The following MGRN1 variants were observed in gnomAD, a reference collection of about 807,000 sequenced individuals.
MGRN1 encodes E3 ubiquitin-protein ligase MGRN1.
Under a neutral mutation model 69.2 loss-of-function variants are expected in MGRN1, and 29 were observed. That is an observed-to-expected ratio of 0.42 (90% confidence interval 0.31 to 0.57). The LOEUF (loss-of-function observed/expected upper bound fraction) is 0.57, where lower values mean the gene tolerates loss of function less well. Among genes scored for constraint, MGRN1 ranks in the 20% least tolerant of loss-of-function variants. MGRN1 has a pLI of 0.15. For synonymous variants in MGRN1, 470 were observed against 344.2 expected, an observed-to-expected ratio of 1.37 and a Z score of -4.04; for missense variants, 998 against 796.2, an observed-to-expected ratio of 1.25 and a Z score of -3.05.
At chr16:4,676,386 T>C (rs2079053737) in intron 10 of MGRN1, among the ~76,000 whole-genome samples, 1 of 152,212 alleles carries the variant, frequency 6.6e-6, no homozygotes, top group African/African-American at 2.4e-5. Context: ...GCTGTGTGGC[T>C]GGAGATACAG....
intron 1 of MGRN1, among the ~76,000 whole-genome samples, chr16:4,626,814 G>A (rs1347337869): frequency 1.3e-5 from 2 of 152,166 alleles, no homozygotes; most frequent in Non-Finnish European, 2.9e-5. Context: ...CAGAACACTC[G>A]CGTCAGCCAC....
chr16:4,664,922 G>A, intron 6 of MGRN1, 147 bp downstream of exon 6: 3 of 1,254,626 alleles, frequency 2.4e-6, no homozygotes, highest in Non-Finnish European at 3.4e-6. Context: ...GCAGCTTGGA[G>A]TCCCGGGCAG....
intron 13 of MGRN1, among the ~76,000 whole-genome samples, chr16:4,682,341 T>A (rs2079204844): frequency 6.6e-6 from 1 of 152,206 alleles, no homozygotes; most frequent in African/African-American, 2.4e-5. Context: ...CATTCGTGGT[T>A]CCCCTGGAGC....
chr16:4,642,956 TTTTTG>T (rs568327230), intron 1 of MGRN1, among the ~76,000 whole-genome samples: 206 of 137,364 alleles, frequency 1.5e-3, no homozygotes, highest in Non-Finnish European at 2.2e-3. Context: ...TAGCTAATTT[TTTTTG>T]TTTTGTTTTG....
chr16:4,653,536 T>C (rs1046972242), intron 4 of MGRN1, among the ~76,000 whole-genome samples: 4 of 152,250 alleles, frequency 2.6e-5, no homozygotes, highest in African/African-American at 9.6e-5. Context: ...CTGCCCAGGC[T>C]GGCGTGCAGT....
At chr16:4,637,679 C>A (rs988429757) in intron 1 of MGRN1, among the ~76,000 whole-genome samples, 1 of 152,240 alleles carries the variant, frequency 6.6e-6, no homozygotes, top group African/African-American at 2.4e-5. Context: ...GCCTCAGCGC[C>A]ATCCTGCAGT....
At chr16:4,648,909 T>C (rs111684691) in intron 1 of MGRN1, among the ~76,000 whole-genome samples, 176 of 96,622 alleles carry the variant, frequency 1.8e-3, no homozygotes, top group Middle Eastern at 6.7e-3. Flanking sequence ...GCTCCTCCTC[T>C]CGGGGACTCT....
At chr16:4,629,815 G>A (rs1349473420) in intron 1 of MGRN1, among the ~76,000 whole-genome samples, 4 of 151,724 alleles carry the variant, frequency 2.6e-5, no homozygotes, top group Non-Finnish European at 5.9e-5. Context: ...GGAGGCTGAG[G>A]TGGGCGGATC....
chr16:4,686,623 G>A, intron 16 of MGRN1: 1 of 1,178,456 alleles, frequency 8.5e-7, no homozygotes, highest in Non-Finnish European at 1.1e-6. Context: ...ACACAGCCCA[G>A]GTGCGCCAGA....
At chr16:4,631,286 G>A (rs1439531860) in intron 1 of MGRN1, among the ~76,000 whole-genome samples, 1 of 152,162 alleles carries the variant, frequency 6.6e-6, no homozygotes, top group Non-Finnish European at 1.5e-5. Flanking sequence ...CAGGCATTGT[G>A]GCTGGATAAC....
chr16:4,677,942 G>T (rs993585849), intron 11 of MGRN1, among the ~76,000 whole-genome samples: 1 of 149,252 alleles, frequency 6.7e-6, no homozygotes, highest in Non-Finnish European at 1.5e-5. Flanking sequence ...TCGACCTCCC[G>T]CCTCAAGCAA....
chr16:4,680,372 T>A (rs2079153489), intron 12 of MGRN1: 2 of 435,970 alleles, frequency 4.6e-6, no homozygotes, highest in African/African-American at 4.0e-5. Flanking sequence ...CTTTTTTTTC[T>A]TGCTGGCAGT....
At chr16:4,639,535 A>G (rs1323155213) in intron 1 of MGRN1, among the ~76,000 whole-genome samples, 1 of 152,194 alleles carries the variant, frequency 6.6e-6, no homozygotes, top group Non-Finnish European at 1.5e-5. Context: ...CCTAGGATGG[A>G]ACAGGCAGGA....
At chr16:4,668,693 CAT>C (rs2141937271) in intron 8 of MGRN1, among the ~76,000 whole-genome samples, 1 of 150,752 alleles carries the variant, frequency 6.6e-6, no homozygotes, top group East Asian at 1.9e-4. Flanking sequence ...CACTCGTACA[CAT>C]ACACACATAC....
At chr16:4,652,939 A>G in intron 4 of MGRN1, 115 bp downstream of exon 4, 1 of 1,293,000 alleles carries the variant, frequency 7.7e-7, no homozygotes, top group Non-Finnish European at 1.0e-6. Flanking sequence ...CTTTGACCAT[A>G]CTCCCAGGAC....
chr16:4,642,571 G>A (rs555851381), intron 1 of MGRN1, among the ~76,000 whole-genome samples: 163 of 151,636 alleles, frequency 1.1e-3, no homozygotes, highest in African/African-American at 3.8e-3. Flanking sequence ...TGATCCGCCC[G>A]CCTCGGCCTC....
intron 16 of MGRN1, chr16:4,688,583 T>G: frequency 7.7e-7 from 1 of 1,302,052 alleles, no homozygotes; most frequent in Non-Finnish European, 9.8e-7. Context: ...TCTGGGATCG[T>G]CTGTCCCAAG....
chr16:4,683,001 C>T (rs571280324), intron 14 of MGRN1, 55 bp downstream of exon 14: 2 of 1,495,226 alleles, frequency 1.3e-6, no homozygotes, highest in African/African-American at 1.4e-5. Flanking sequence ...CCTCCTCCAG[C>T]TTCTGTCGCT....
chr16:4,627,210 G>A (rs1290105846), intron 1 of MGRN1, among the ~76,000 whole-genome samples: 3 of 152,162 alleles, frequency 2.0e-5, no homozygotes, highest in Admixed American at 6.5e-5. Flanking sequence ...TCAATCACCC[G>A]ATGAGAAAGC....
Sources: gnomAD v4.1 joint callset for allele counts (sites outside exome capture counted in the v4.1 genomes callset) on GRCh38, gnomAD v4.1.1 for gene constraint, MANE v1.5 for transcripts, NCBI Gene and HGNC (gene_info 2026-07-23, HGNC 2026-07-21) for gene names.